Variants in PCDH15 observed in about 807,000 individuals in gnomAD.
PCDH15 encodes protocadherin related 15.
A neutral mutation model predicts 178.5 loss-of-function variants in PCDH15; 129 were observed. The ratio of observed to expected loss-of-function variants is 0.72; its 90% CI spans 0.63 to 0.84. The LOEUF (loss-of-function observed/expected upper bound fraction) is 0.84. Among genes scored for constraint, PCDH15 ranks in the 40% least tolerant of loss-of-function variants. The probability of loss-of-function intolerance (pLI) is 0.00; values close to 1 mark genes in which losing one functional copy is unlikely to be tolerated. For synonymous variants in PCDH15, 800 were observed against 732.0 expected (o/e 1.09, Z -1.50); for missense variants, 2,230 against 2,099.9 (o/e 1.06, Z -1.21).
At chr10:54,925,359 T>C (rs911239151) in intron 2 of PCDH15, among the ~76,000 whole-genome samples, 2 of 152,072 alleles carry the variant, frequency 1.3e-5, no homozygotes, top group Admixed American at 6.6e-5. Flanking sequence ...TTGTTGTATA[T>C]ATTAAAGTTA....
intron 2 of PCDH15, among the ~76,000 whole-genome samples, chr10:54,581,472 G>GT (rs1427466167): frequency 3.3e-5 from 5 of 152,030 alleles, no homozygotes; most frequent in Non-Finnish European, 5.9e-5. Context: ...CTCATGGAAG[G>GT]TAAGAATGAG....
intron 15 of PCDH15, among the ~76,000 whole-genome samples, chr10:54,124,741 G>C (rs889076573): frequency 6.6e-6 from 1 of 152,098 alleles, no homozygotes; most frequent in African/African-American, 2.4e-5. Context: ...ATAAACTCCT[G>C]TATCATCTTC....
intron 2 of PCDH15, among the ~76,000 whole-genome samples, chr10:55,045,818 G>A (rs1840989784): frequency 6.6e-6 from 1 of 151,896 alleles, no homozygotes; most frequent in Admixed American, 6.6e-5. Flanking sequence ...CAGAGATACT[G>A]GAGATAATTT....
At chr10:55,388,102 T>C (rs754889991) in intron 2 of PCDH15, among the ~76,000 whole-genome samples, 1 of 152,074 alleles carries the variant, frequency 6.6e-6, no homozygotes, top group South Asian at 2.1e-4. Flanking sequence ...GCGGAATAGA[T>C]GACTTTTACT....
At chr10:54,868,191 C>T (rs139402635) in intron 3 of PCDH15, among the ~76,000 whole-genome samples, 2 of 152,124 alleles carry the variant, frequency 1.3e-5, no homozygotes, top group Admixed American at 6.5e-5. Flanking sequence ...TGACACACAC[C>T]GCAAATGGCT....
intron 3 of PCDH15, among the ~76,000 whole-genome samples, chr10:54,835,971 G>A (rs2133756137): frequency 6.6e-6 from 1 of 152,126 alleles, no homozygotes; most frequent in South Asian, 2.1e-4. Context: ...ACCAGCGATA[G>A]CACAAAGACA....
chr10:54,904,208 G>C (rs1245627558), intron 2 of PCDH15, among the ~76,000 whole-genome samples: 1 of 151,870 alleles, frequency 6.6e-6, no homozygotes, highest in Non-Finnish European at 1.5e-5. Flanking sequence ...AAATCACTAT[G>C]TATTCTGCTG....
chr10:54,640,692 TTA>T (rs1038720438), intron 2 of PCDH15, among the ~76,000 whole-genome samples: 51 of 152,240 alleles, frequency 3.3e-4, no homozygotes, highest in African/African-American at 1.2e-3. Context: ...GACAGGAATT[TTA>T]TATGAGTTCT....
At chr10:54,739,425 G>C (rs1009960624) in intron 1 of PCDH15, among the ~76,000 whole-genome samples, 1 of 151,692 alleles carries the variant, frequency 6.6e-6, no homozygotes. Context: ...AATTAAAAAG[G>C]AGACAAAAAC....
intron 1 of PCDH15, among the ~76,000 whole-genome samples, chr10:55,285,984 T>C (rs374848193): frequency 6.6e-6 from 1 of 151,992 alleles, no homozygotes; most frequent in Admixed American, 6.6e-5. Flanking sequence ...TCATTTCTTT[T>C]GATTTTCGTG....
chr10:54,958,290 G>T (rs1838545422), intron 2 of PCDH15, among the ~76,000 whole-genome samples: 1 of 151,660 alleles, frequency 6.6e-6, no homozygotes, highest in South Asian at 2.1e-4. Context: ...TCTCAGATAA[G>T]AAGTATGAAG....
At chr10:54,818,083 C>CT (rs1206025260) in intron 3 of PCDH15, among the ~76,000 whole-genome samples, 2 of 151,826 alleles carry the variant, frequency 1.3e-5, no homozygotes, top group Admixed American at 6.6e-5. Flanking sequence ...CACATCTCAT[C>CT]TTTTTTTTCC....
At chr10:53,957,950 C>T (rs2087798229) in intron 23 of PCDH15, among the ~76,000 whole-genome samples, 2 of 152,106 alleles carry the variant, frequency 1.3e-5, no homozygotes, top group South Asian at 4.1e-4. Context: ...TACATACATG[C>T]TATGGAAGAT....
rs571440457 is a variant in PCDH15, at chr10:53,851,777, C to A, written c.3806+5398G>T. ...TATACAAATAAATAAATTCTATATACGTAATATATATCCTGGCTACATTTC... is the reference window on the plus strand; with the variant it reads ...TATACAAATAAATAAATTCTATATAAGTAATATATATCCTGGCTACATTTC... On this transcript the variant is annotated intron_variant, in intron 28 of 37. Coordinates refer to ENST00000644397, the MANE Select transcript of PCDH15 (RefSeq NM_001384140.1). Among the ~76,000 whole-genome samples, 203 of 139,494 alleles carry A rather than the reference C, an allele frequency of 1.5e-3. 4 individuals carry two copies. In the South Asian group the frequency reaches 0.043, roughly 30 times the overall value. 91.5% of individuals were successfully genotyped at this position (139,494 alleles called of 152,430 possible).
intron 1 of PCDH15, among the ~76,000 whole-genome samples, chr10:55,315,447 C>T (rs1472583346): frequency 6.6e-6 from 1 of 151,972 alleles, no homozygotes; most frequent in African/African-American, 2.4e-5. Flanking sequence ...AAATTATAGG[C>T]AAAGTTACAC....
chr10:54,005,328 A>G (rs969394965), intron 20 of PCDH15, among the ~76,000 whole-genome samples: 1 of 149,694 alleles, frequency 6.7e-6, no homozygotes, highest in African/African-American at 2.5e-5. Context: ...ATCAACTTAA[A>G]AAGCTTCTGC....
chr10:54,197,637 C>T (rs550752430), intron 10 of PCDH15, among the ~76,000 whole-genome samples: 24 of 152,118 alleles, frequency 1.6e-4, no homozygotes, highest in Non-Finnish European at 3.1e-4. Flanking sequence ...ACTGTTAAAA[C>T]GTGAGGAAAG....
chr10:54,649,325 T>C (rs1268315491), intron 2 of PCDH15, among the ~76,000 whole-genome samples: 1 of 152,104 alleles, frequency 6.6e-6, no homozygotes, highest in Non-Finnish European at 1.5e-5. Context: ...ATATGAAATA[T>C]AACAAAAATA....
At chr10:54,518,928 A>C (rs921136622) in intron 3 of PCDH15, among the ~76,000 whole-genome samples, 1 of 152,212 alleles carries the variant, frequency 6.6e-6, no homozygotes, top group African/African-American at 2.4e-5. Flanking sequence ...AATAAATGTA[A>C]TCCAGCATAT....
Sources: gnomAD v4.1 joint callset for allele counts (sites outside exome capture counted in the v4.1 genomes callset) on GRCh38, gnomAD v4.1.1 for gene constraint, MANE v1.5 for transcripts, NCBI Gene and HGNC (gene_info 2026-07-23, HGNC 2026-07-21) for gene names.